Variants in REV1 observed in about 807,000 individuals in gnomAD.
REV1 encodes translesion synthesis protein REV1.
REV1 carries 42 observed loss-of-function variants against 137.4 expected under a neutral mutation model. The ratio of observed to expected loss-of-function variants is 0.31; its 90% CI spans 0.24 to 0.40. The LOEUF (loss-of-function observed/expected upper bound fraction) is 0.40. Ranked by LOEUF, REV1 falls within the 10% of genes least tolerant of loss-of-function variation. The pLI, the probability that REV1 is intolerant of heterozygous loss-of-function variation, is 1.00. For missense variants in REV1, 1,282 were observed against 1,490.1 expected (o/e 0.86, Z 2.30); for synonymous variants, 524 against 519.2 (o/e 1.01, Z -0.12).
chr2:99,404,332 AGT>A, intron 18 of REV1, 110 bp downstream of exon 18: 3 of 403,120 alleles, frequency 7.4e-6, no homozygotes, highest in Non-Finnish European at 9.2e-6. Flanking sequence ...TCCCCTCCCC[AGT>A]GGATGTGGTG....
intron 8 of REV1, 29 bp from the exon 9 acceptor site, chr2:99,429,977 A>C: frequency 7.3e-7 from 1 of 1,365,188 alleles, no homozygotes; most frequent in Non-Finnish European, 1.0e-6. Context: ...ATTAATGGTT[A>C]TATGTTATAA....
intron 9 of REV1, among the ~76,000 whole-genome samples, chr2:99,429,525 T>A (rs1313966759): frequency 6.6e-6 from 1 of 152,146 alleles, no homozygotes; most frequent in Non-Finnish European, 1.5e-5. Flanking sequence ...AATATTAAAG[T>A]CCTCTTCCAT....
At chr2:99,454,591 A>AAAAAAAAAAAAT in intron 3 of REV1, among the ~76,000 whole-genome samples, 1 of 125,156 alleles carries the variant, frequency 8.0e-6, no homozygotes, top group Non-Finnish European at 1.7e-5. Context: ...AAAAAAAAAA[A>AAAAAAAAAAAAT]CCCAAAAATT....
At chr2:99,423,887 G>T (rs1269778375) in intron 10 of REV1, among the ~76,000 whole-genome samples, 2 of 152,146 alleles carry the variant, frequency 1.3e-5, no homozygotes, top group African/African-American at 4.8e-5. Context: ...CCACAGACTA[G>T]AAGTAATATA....
chr2:99,434,390 G>A lies in REV1; in HGVS notation c.1380C>T (p.Gly460=), dbSNP rs756603408. The change falls in exon 8 of 23, where the codon GGC becomes GGT. Residue 460 remains glycine (G), a synonymous_variant. Transcript: ENST00000258428. ...RGTGRAPLRP[G]ANPQLEWQYY... is the part of the protein sequence containing the mutation. ...ACTGCCACTCCAGCTGGGGGTTAGC[G>A]CCAGGACGTAAAGGTGCCCTTCCTG... is the stretch of plus-strand genomic sequence containing the variant. The A allele has an allele frequency of 1.3e-5, 21 of 1,605,502 alleles. No homozygotes were observed. Among genetic ancestry groups the A allele is most frequent in the Non-Finnish European group, 1.6e-5 (19 of 1,176,302 alleles).
intron 4 of REV1, 122 bp from the exon 5 acceptor site, chr2:99,442,591 T>C: frequency 1.1e-6 from 1 of 912,388 alleles, no homozygotes; most frequent in Non-Finnish European, 1.7e-6. Flanking sequence ...GTTTTCCTAG[T>C]TTATTCCTTC....
chr2:99,413,525 T>C (rs917772107), intron 12 of REV1, among the ~76,000 whole-genome samples: 3 of 152,086 alleles, frequency 2.0e-5, no homozygotes, highest in East Asian at 1.9e-4. Flanking sequence ...CAACTGGTGG[T>C]TGGGGTAGAA....
intron 3 of REV1, among the ~76,000 whole-genome samples, chr2:99,452,603 T>C (rs1363504305): frequency 1.3e-5 from 2 of 152,180 alleles, no homozygotes; most frequent in Non-Finnish European, 2.9e-5. Flanking sequence ...TTTGTTTACT[T>C]GTTTACTGTC....
At position 99,402,896 on chromosome 2, in the gene REV1, T is replaced by C. The variant is rs771654498; in HGVS notation, c.3377A>G (p.Lys1126Arg). The C allele has an allele frequency of 5.0e-6, 8 of 1,613,634 alleles. No homozygotes were observed. In the South Asian group the frequency reaches 7.7e-5, roughly 16 times the overall value. Residue 1126 changes from lysine to arginine, a missense_variant, in exon 20 of 23, where the codon AAA (lysine) becomes AGA (arginine). Lys to Arg is a conservative substitution (Grantham distance 26). Around this residue, in one of 7 missense-constraint regions of REV1, gnomAD observed 170 missense variants for 156.8 expected, o/e 1.08. Coordinates refer to ENST00000258428, the MANE Select transcript of REV1 (RefSeq NM_016316.4). The stretch of plus-strand genomic sequence containing the variant: ...TCAAAGTTAAGGAATTACCAGGGGT[T>C]TCTCTGCAGGAGGTCCTTCATGTTT... Reference protein sequence around the residue: ...FLKHEGPPAEKPLEELSASTS... With the variant: ...FLKHEGPPAERPLEELSASTS...
At chr2:99,440,670 A>G (rs949514864) in intron 5 of REV1, among the ~76,000 whole-genome samples, 1 of 152,248 alleles carries the variant, frequency 6.6e-6, no homozygotes, top group African/African-American at 2.4e-5. Flanking sequence ...CTCTTGAGAT[A>G]AACAGAATGC....
intron 7 of REV1, among the ~76,000 whole-genome samples, chr2:99,434,658 A>G (rs1680511597): frequency 6.6e-6 from 1 of 152,202 alleles, no homozygotes; most frequent in Admixed American, 6.5e-5. Context: ...AAAGCCAATT[A>G]TTTGTGACCA....
intron 5 of REV1, among the ~76,000 whole-genome samples, chr2:99,440,717 A>T (rs1456127640): frequency 2.0e-5 from 3 of 152,256 alleles, no homozygotes; most frequent in Admixed American, 6.5e-5. Context: ...ATTTCAAAGA[A>T]ATGTACAAAA....
rs1356873161 is a variant in REV1 at position 99,403,107 on chromosome 2, C to CTA, written c.3167-3_3167-2dup. On this transcript the variant is annotated splice_acceptor_variant, in intron 19 of 22. Coordinates refer to ENST00000258428, the MANE Select transcript of REV1 (RefSeq NM_016316.4). LOFTEE classifies it high-confidence loss of function. ...AGATGAAGTAAAGGATTCTTTGGCA[C>CTA]TAAGAGCAGATGGATATAAGATCCT... 3 of 1,593,348 alleles carry CTA rather than the reference C, an allele frequency of 1.9e-6. No individual in the cohort carries two copies. The highest frequency in any genetic ancestry group is 2.6e-6 in the Non-Finnish European group (3 of 1,169,068).
chr2:99,443,754 C>T (rs1459317418), intron 4 of REV1, among the ~76,000 whole-genome samples: 3 of 152,148 alleles, frequency 2.0e-5, no homozygotes, highest in Non-Finnish European at 2.9e-5. Context: ...ATTCAAAATA[C>T]ATTCAAAATT....
At position 99,403,699 on chromosome 2, in the gene REV1, T is replaced by TGCGCTG; in HGVS notation, c.3156_3161dup (p.Ala1054_Ser1055dup). ...CATGCCACTTCCAAGGCTCACCAGA[T>TGCGCTG]GCGCTGGCTGACTGCTGGTGAGTGC... On this transcript the variant is annotated inframe_insertion, in exon 19 of 23. Coordinates refer to ENST00000258428, the MANE Select transcript of REV1 (RefSeq NM_016316.4). The TGCGCTG allele has an allele frequency of 6.2e-7, 1 of 1,614,212 alleles. No individual in the cohort carries two copies.
chr2:99,427,904 G>C (rs1191933084), intron 9 of REV1, among the ~76,000 whole-genome samples: 1 of 151,996 alleles, frequency 6.6e-6, no homozygotes, highest in Non-Finnish European at 1.5e-5. Flanking sequence ...TATTTTGCAA[G>C]GCATGAAGCT....
intron 5 of REV1, among the ~76,000 whole-genome samples, chr2:99,442,017 G>T (rs1202836479): frequency 6.6e-6 from 1 of 151,994 alleles, no homozygotes; most frequent in Admixed American, 6.6e-5. Flanking sequence ...ACTTTGGGAG[G>T]CCAAGGAAGG....
In REV1 at chr2:99,459,352, C is replaced by T. The variant is rs183815962; in HGVS notation, c.181+3144G>A. On this transcript the variant is annotated intron_variant, in intron 3 of 22. Transcript: ENST00000258428. Reference sequence around the variant, plus strand: ...ACTGGGTAAAGGGTTCACAGTATCACTATGTGCTATGTCTTACAACTGCAT... The same window carrying T: ...ACTGGGTAAAGGGTTCACAGTATCATTATGTGCTATGTCTTACAACTGCAT... 3.8e-3 allele frequency among the ~76,000 whole-genome samples: 575 copies of T among 152,214 alleles called. 3 individuals are homozygous for T. The highest frequency in any genetic ancestry group is 6.6e-3 in the Non-Finnish European group (450 of 68,020).
At chr2:99,410,043 C>T (rs984038318) in intron 14 of REV1, among the ~76,000 whole-genome samples, 1 of 151,978 alleles carries the variant, frequency 6.6e-6, no homozygotes, top group African/African-American at 2.4e-5. Flanking sequence ...CAGAATGTTG[C>T]TCTGTTGCCC....
Sources: allele counts gnomAD v4.1 joint callset (sites outside exome capture counted in the v4.1 genomes callset), GRCh38; gene constraint gnomAD v4.1.1; regional missense constraint gnomAD v4.1.1; transcripts MANE v1.5; gene names NCBI Gene and HGNC (gene_info 2026-07-23, HGNC 2026-07-21).